SLC25A13: variants seen among roughly 807,000 people sequenced by gnomAD.
The protein encoded by SLC25A13 is electrogenic aspartate/glutamate antiporter SLC25A13, mitochondrial.
SLC25A13 carries 70 observed loss-of-function variants against 85.5 expected under a neutral mutation model. The observed-to-expected ratio is 0.82, with a 90% confidence interval of 0.68 to 1.00. The LOEUF (loss-of-function observed/expected upper bound fraction) is 1.00, where lower values mean the gene tolerates loss of function less well. SLC25A13 is among the 50% of genes least tolerant of loss of function. The probability of loss-of-function intolerance (pLI) is 0.00; values close to 1 mark genes in which losing one functional copy is unlikely to be tolerated. For missense variants in SLC25A13, 765 were observed against 819.8 expected, an observed-to-expected ratio of 0.93 and a Z score of 0.82; for synonymous variants, 259 against 288.7, an observed-to-expected ratio of 0.90 and a Z score of 1.04.
At chr7:96,140,035 T>C (rs901620075) in intron 14 of SLC25A13, among the ~76,000 whole-genome samples, 1 of 138,668 alleles carries the variant, frequency 7.2e-6, no homozygotes, top group Non-Finnish European at 1.5e-5. Flanking sequence ...CTCGGCTCAC[T>C]GCAAGCTCCG....
intron 5 of SLC25A13, among the ~76,000 whole-genome samples, chr7:96,206,677 C>T (rs1478829378): frequency 6.6e-6 from 1 of 152,150 alleles, no homozygotes; most frequent in Non-Finnish European, 1.5e-5. Flanking sequence ...GAGGCAAAAT[C>T]ATCCCACATA....
At chr7:96,278,014 C>T (rs1419187361) in intron 2 of SLC25A13, among the ~76,000 whole-genome samples, 3 of 152,128 alleles carry the variant, frequency 2.0e-5, no homozygotes, top group East Asian at 1.9e-4. Context: ...TAAGGCATTA[C>T]CATGCAGAAA....
Position 96,121,917 on chromosome 7 carries a change from T to C in SLC25A13, c.1672A>G (p.Thr558Ala). 1 of 1,614,136 alleles carries C rather than the reference T, an allele frequency of 6.2e-7. No homozygotes were observed. The highest frequency in any genetic ancestry group is 8.5e-7 in the Non-Finnish European group (1 of 1,180,038). ...LQVAARAGQT[T>A]YSGVIDCFRK... is the part of the protein sequence containing the mutation. ...AAGCAGTCTATCACTCCGCTGTAAG[T>C]GGTTTGGCCAGCCCGGGCAGCCACC... The change falls in exon 16 of 18, where the codon ACT (threonine) becomes GCT (alanine). Residue 558 changes from threonine (T) to alanine (A), a missense_variant. Thr to Ala is a moderately conservative substitution (Grantham distance 58). Transcript: ENST00000265631.
At chr7:96,173,588 T>C (rs1383697782) in intron 11 of SLC25A13, among the ~76,000 whole-genome samples, 4 of 152,088 alleles carry the variant, frequency 2.6e-5, no homozygotes, top group Non-Finnish European at 5.9e-5. Flanking sequence ...TCATTTTTTA[T>C]TTTTAACAAA....
chr7:96,189,354 T>C lies in SLC25A13; in HGVS notation c.873A>G (p.Glu291=), dbSNP rs1223728106. The change falls in exon 9 of 18, where the codon GAA becomes GAG. Residue 291 remains glutamate (E), a synonymous_variant. Transcript: ENST00000265631. ...PRGRMTLADI[E]RIAPLEEGTL... is the part of the protein sequence containing the mutation. ...TTCCCTCTTCCAGAGGAGCAATCCG[T>C]TCAATGTCTGCTAAGGTCATACGTC... The C allele has an allele frequency of 1.2e-6, 2 of 1,614,162 alleles. No individual in the cohort carries two copies. The highest frequency in any genetic ancestry group is 1.7e-6 in the Non-Finnish European group (2 of 1,180,020).
intron 4 of SLC25A13, among the ~76,000 whole-genome samples, chr7:96,214,316 C>T (rs1190299840): frequency 2.0e-5 from 3 of 151,974 alleles, no homozygotes; most frequent in Non-Finnish European, 4.4e-5. Context: ...TAAGAAATCA[C>T]TAAAAAATTA....
rs181506297 is a variant in SLC25A13, at chr7:96,288,998, G to A, written c.69+7900C>T. 4.4e-4 allele frequency among the ~76,000 whole-genome samples: 67 copies of A among 152,304 alleles called. 1 individual carries two copies. In the East Asian group the frequency reaches 5.6e-3, roughly 13 times the overall value. ...TGAGCCCCAAGTAGCCTAACTGGGA[G>A]GCGCCCCCCAGTAGGGGCAGATTGA... On this transcript the variant is annotated intron_variant, in intron 2 of 17. Transcript: ENST00000265631.
chr7:96,125,516 T>C (rs1479366423), intron 15 of SLC25A13, among the ~76,000 whole-genome samples: 5 of 152,208 alleles, frequency 3.3e-5, no homozygotes, highest in Non-Finnish European at 7.3e-5. Context: ...CCCAGGAACA[T>C]AATTACGACT....
Position 96,187,299 on chromosome 7 carries a change from C to T in SLC25A13, c.933+1995G>A, listed in dbSNP as rs181586369. Among the ~76,000 whole-genome samples, 380 of 152,298 alleles carry T rather than the reference C, an allele frequency of 2.5e-3. 2 individuals are homozygous for T. Among genetic ancestry groups the T allele is most frequent in the African/African-American group, 8.7e-3 (363 of 41,558 alleles). On this transcript the variant is annotated intron_variant, in intron 9 of 17. Transcript: ENST00000265631. Reference sequence around the variant, plus strand: ...AATAATCAGCAACCCCAGCTATCAACCCACTGAATTTTAGTTGCTGTCAAT... The same window carrying T: ...AATAATCAGCAACCCCAGCTATCAATCCACTGAATTTTAGTTGCTGTCAAT...
chr7:96,311,473 T>C (rs1799947110), intron 1 of SLC25A13, among the ~76,000 whole-genome samples: 1 of 152,050 alleles, frequency 6.6e-6, no homozygotes, highest in Non-Finnish European at 1.5e-5. Context: ...AAAGTCCAAA[T>C]TGTGGGAAAT....
At chr7:96,203,322 A>G (rs1224305444) in intron 5 of SLC25A13, among the ~76,000 whole-genome samples, 1 of 152,096 alleles carries the variant, frequency 6.6e-6, no homozygotes, top group African/African-American at 2.4e-5. Context: ...GAGTCTTGGG[A>G]GGGGAGGTCG....
chr7:96,279,208 C>G (rs1798571737), intron 2 of SLC25A13, among the ~76,000 whole-genome samples: 1 of 152,172 alleles, frequency 6.6e-6, no homozygotes, highest in Non-Finnish European at 1.5e-5. Flanking sequence ...ATGCCCTTTA[C>G]TCACTTTGGT....
At chr7:96,170,363 A>G (rs1793947317) in intron 12 of SLC25A13, among the ~76,000 whole-genome samples, 1 of 152,240 alleles carries the variant, frequency 6.6e-6, no homozygotes, top group African/African-American at 2.4e-5. Flanking sequence ...GTTAAAAGAT[A>G]AATGAAAGCC....
At chr7:96,172,396 A>G (rs1024510305) in intron 11 of SLC25A13, among the ~76,000 whole-genome samples, 1 of 151,930 alleles carries the variant, frequency 6.6e-6, no homozygotes, top group Non-Finnish European at 1.5e-5. Flanking sequence ...TGTCTCTACT[A>G]AAAATACAAA....
intron 15 of SLC25A13, among the ~76,000 whole-genome samples, chr7:96,131,411 A>T (rs1792025823): frequency 6.6e-6 from 1 of 152,188 alleles, no homozygotes. Flanking sequence ...TCAAATCTTT[A>T]AAAACTTCCA....
At position 96,192,983 on chromosome 7, in the gene SLC25A13, A is replaced by G. The variant is rs572090422; in HGVS notation, c.615+54T>C. 1.5e-5 allele frequency: 23 copies of G among 1,581,340 alleles called. No individual in the cohort carries two copies. The African/African-American group carries it at 2.7e-4, about 19-fold the overall frequency. ...TACATAACTTATAAGAATTGTTTTT[A>G]TAATTCCTTATTTACTGAGTTAAAC... On this transcript the variant is annotated intron_variant, in intron 6 of 17. Transcript: ENST00000265631.
chr7:96,165,195 A>C (rs1433664933), intron 13 of SLC25A13, among the ~76,000 whole-genome samples: 1 of 152,228 alleles, frequency 6.6e-6, no homozygotes, highest in Non-Finnish European at 1.5e-5. Context: ...ATGAAAAATA[A>C]GTAAGTTATA....
chr7:96,180,170 T>C (rs1412571079), intron 11 of SLC25A13, among the ~76,000 whole-genome samples: 1 of 152,064 alleles, frequency 6.6e-6, no homozygotes, highest in African/African-American at 2.4e-5. Context: ...GATTAAAAAA[T>C]GTGGTTTTTT....
chr7:96,180,063 C>T (rs1279725456), intron 11 of SLC25A13, among the ~76,000 whole-genome samples: 1 of 152,156 alleles, frequency 6.6e-6, no homozygotes, highest in Non-Finnish European at 1.5e-5. Context: ...TAGATGTCAC[C>T]TTGAGAACAT....
Sources: gnomAD v4.1 joint callset for allele counts (sites outside exome capture counted in the v4.1 genomes callset) on GRCh38, gnomAD v4.1.1 for gene constraint, MANE v1.5 for transcripts, NCBI Gene and HGNC (gene_info 2026-07-23, HGNC 2026-07-21) for gene names.